The following PARD3B variants were observed in gnomAD, a reference collection of about 807,000 sequenced individuals.
The protein encoded by PARD3B is par-3 family cell polarity regulator beta.
A neutral mutation model predicts 130.2 loss-of-function variants in PARD3B; 103 were observed. That is an observed-to-expected ratio of 0.79 (90% CI 0.67 to 0.93). PARD3B has a LOEUF of 0.93. Ranked by LOEUF, PARD3B falls within the 40% of genes least tolerant of loss-of-function variation. The probability of loss-of-function intolerance (pLI) is 0.00; values close to 1 mark genes in which losing one functional copy is unlikely to be tolerated. For missense variants in PARD3B, 1,609 were observed against 1,499.2 expected (o/e 1.07, Z -1.21); for synonymous variants, 583 against 553.2 (o/e 1.05, Z -0.76).
At chr2:205,408,980 G>A (rs849268) in intron 19 of PARD3B, among the ~76,000 whole-genome samples, 136,409 of 152,112 alleles carry the variant, frequency 0.9, 62,608 homozygotes, top group East Asian at 1. Flanking sequence ...TAAAATGCTG[G>A]TAAAAATGTG....
At chr2:205,390,479 CTAAT>C (rs1251369465) in intron 18 of PARD3B, among the ~76,000 whole-genome samples, 2 of 152,164 alleles carry the variant, frequency 1.3e-5, no homozygotes. Flanking sequence ...TGTCACTCAA[CTAAT>C]TAATTCGGTA....
chr2:204,680,348 T>C (rs981522159), intron 1 of PARD3B, among the ~76,000 whole-genome samples: 2 of 152,040 alleles, frequency 1.3e-5, no homozygotes, highest in African/African-American at 2.4e-5. Context: ...ATTGTTAAAT[T>C]TATAGGTCCA....
chr2:205,039,006 C>G (rs1698200075), intron 3 of PARD3B, among the ~76,000 whole-genome samples: 1 of 152,112 alleles, frequency 6.6e-6, no homozygotes, highest in Admixed American at 6.6e-5. Flanking sequence ...TCAGGCACTC[C>G]TGCGGCGAAA....
chr2:205,504,012 G>A, intron 21 of PARD3B, among the ~76,000 whole-genome samples: 1 of 152,094 alleles, frequency 6.6e-6, no homozygotes, highest in East Asian at 1.9e-4. Context: ...TGTGATTTTT[G>A]CACATTGATT....
At chr2:205,596,471 G>C (rs1002524566) in intron 22 of PARD3B, among the ~76,000 whole-genome samples, 1 of 152,176 alleles carries the variant, frequency 6.6e-6, no homozygotes, top group East Asian at 1.9e-4. Flanking sequence ...GCAGATACTT[G>C]TGTATGCCTA....
At chr2:204,917,375 G>A (rs905595607) in intron 2 of PARD3B, among the ~76,000 whole-genome samples, 2 of 152,210 alleles carry the variant, frequency 1.3e-5, no homozygotes, top group Non-Finnish European at 2.9e-5. Context: ...AGGGAAAACA[G>A]AATAGTGGCT....
chr2:205,478,512 G>A (rs999022909), intron 20 of PARD3B, among the ~76,000 whole-genome samples: 3 of 152,064 alleles, frequency 2.0e-5, no homozygotes, highest in Non-Finnish European at 2.9e-5. Context: ...ACCCAGAGCC[G>A]GGCTTCATTT....
chr2:205,541,347 G>GTTTTT (rs34760169), intron 21 of PARD3B, among the ~76,000 whole-genome samples: 2 of 122,194 alleles, frequency 1.6e-5, no homozygotes, highest in African/African-American at 3.0e-5. Context: ...CAGAAACTTT[G>GTTTTT]TTTTTTTTTT....
intron 3 of PARD3B, among the ~76,000 whole-genome samples, chr2:205,008,760 A>G (rs1172641486): frequency 6.6e-6 from 1 of 152,210 alleles, no homozygotes; most frequent in Non-Finnish European, 1.5e-5. Flanking sequence ...TTTGTTTATG[A>G]TAATATTCTA....
rs532336557 is a variant in PARD3B, at chr2:205,036,986, CAT to C, written c.395-10589_395-10588del. ...TATAGCGGACTGTATATATAAAAAA[CAT>C]ATATAGCGGACTGTATATATAAAAA... On this transcript the variant is annotated intron_variant, in intron 3 of 22. Coordinates refer to ENST00000406610, the MANE Select transcript of PARD3B (RefSeq NM_001302769.2). Among the ~76,000 whole-genome samples, 56 of 144,112 alleles carry C rather than the reference CAT, an allele frequency of 3.9e-4. No individual in the cohort carries two copies. In the East Asian group the frequency reaches 9.5e-3, roughly 24 times the overall value. 94.5% of individuals were successfully genotyped at this position (144,112 alleles called of 152,430 possible). A position where few individuals can be genotyped will look rare whatever the true frequency, so the allele number is the denominator to read the frequency against.
rs865856409 is a variant in PARD3B, at chr2:205,460,548, G to C, written c.3044+19876G>C. On this transcript the variant is annotated intron_variant, in intron 20 of 22. Coordinates refer to ENST00000406610, the MANE Select transcript of PARD3B (RefSeq NM_001302769.2). The surrounding 1 kb of genome is among the most constrained non-coding windows in gnomAD (Gnocchi z 4.9). ...TAACTTTCTATTGATTACTTCTCTT[G>C]AGGTTATCATCTTTCTCCTAGTGGT... 6.6e-6 allele frequency among the ~76,000 whole-genome samples: 1 copy of C among 152,036 alleles called. No individual in the cohort carries two copies. The highest frequency in any genetic ancestry group is 1.5e-5 in the Non-Finnish European group (1 of 68,014).
intron 3 of PARD3B, among the ~76,000 whole-genome samples, chr2:205,045,707 A>C (rs1390664248): frequency 6.6e-6 from 1 of 151,878 alleles, no homozygotes; most frequent in African/African-American, 2.4e-5. Flanking sequence ...TTTATTACCT[A>C]AGAAAAACCA....
chr2:204,782,259 G>A (rs1469675074), intron 2 of PARD3B, among the ~76,000 whole-genome samples: 1 of 151,076 alleles, frequency 6.6e-6, no homozygotes, highest in South Asian at 2.1e-4. Flanking sequence ...ATGCATGAGA[G>A]AATGTTTTTT....
At chr2:204,765,116 A>T (rs931638838) in intron 2 of PARD3B, among the ~76,000 whole-genome samples, 5 of 152,182 alleles carry the variant, frequency 3.3e-5, no homozygotes, top group African/African-American at 4.8e-5. Flanking sequence ...CTACCTTGCA[A>T]TATTTAGCTG....
intron 10 of PARD3B, among the ~76,000 whole-genome samples, chr2:205,134,373 A>AAC (rs2032290720): frequency 6.6e-6 from 1 of 151,596 alleles, no homozygotes; most frequent in Non-Finnish European, 1.5e-5. Context: ...AAAAAAAAAA[A>AAC]ATTAGCCAGG....
chr2:204,584,671 T>C (rs1363629741), intron 1 of PARD3B, among the ~76,000 whole-genome samples: 1 of 152,160 alleles, frequency 6.6e-6, no homozygotes, highest in Non-Finnish European at 1.5e-5. Flanking sequence ...GATGTGGACA[T>C]TGGGGTTTTA....
chr2:204,738,876 G>A (rs2039873743), intron 2 of PARD3B, among the ~76,000 whole-genome samples: 1 of 152,058 alleles, frequency 6.6e-6, no homozygotes, highest in South Asian at 2.1e-4. Flanking sequence ...AATTAGATGA[G>A]ACCTACTAAA....
Position 205,619,001 on chromosome 2 carries a change from C to G in PARD3B, c.*3188C>G, listed in dbSNP as rs530583760. ...ATGTGTTGACTCCCACAGGATGGCA[C>G]CAAGTAAAGATCTTAAGAGCATAGT... is the stretch of plus-strand genomic sequence containing the variant. On this transcript the variant is annotated 3_prime_UTR_variant, in exon 23 of 23. Coordinates refer to ENST00000406610, the MANE Select transcript of PARD3B (RefSeq NM_001302769.2). 6.6e-6 allele frequency: 1 copy of G among 152,274 alleles called. No homozygotes were observed. Among genetic ancestry groups the G allele is most frequent in the South Asian group, 2.1e-4 (1 of 4,822 alleles). The allele number at this position is 152,274 out of a possible 1,614,324, so 9.4% of individuals were successfully genotyped here.
intron 10 of PARD3B, among the ~76,000 whole-genome samples, chr2:205,154,551 T>C (rs556675543): frequency 2.6e-5 from 4 of 152,350 alleles, no homozygotes; most frequent in Admixed American, 2.6e-4. Context: ...ACTGGGTATA[T>C]ACCCAAAGGA....
Sources: allele counts gnomAD v4.1 joint callset (sites outside exome capture counted in the v4.1 genomes callset), GRCh38; gene constraint gnomAD v4.1.1; non-coding constraint Gnocchi (gnomAD v3.1); transcripts MANE v1.5; gene names NCBI Gene and HGNC (gene_info 2026-07-23, HGNC 2026-07-21).